PACS2: variants seen among roughly 807,000 people sequenced by gnomAD.
PACS2 encodes the protein PACS1-like protein.
A neutral mutation model predicts 113.0 loss-of-function variants in PACS2; 36 were observed. That is an observed-to-expected ratio of 0.32 (90% CI 0.24 to 0.42). PACS2 has a LOEUF of 0.42. PACS2 is among the 10% of genes least tolerant of loss of function. The pLI is 1.00. For synonymous variants in PACS2, 589 were observed against 536.1 expected, an observed-to-expected ratio of 1.10 and a Z score of -1.36; for missense variants, 1,015 against 1,239.5, an observed-to-expected ratio of 0.82 and a Z score of 2.72.
chr14:105,369,990 C>T (rs1555408985), intron 8 of PACS2, 90 bp downstream of exon 8: 7 of 1,134,946 alleles, frequency 6.2e-6, no homozygotes, highest in African/African-American at 1.5e-5. Context: ...TCCGGGCCAC[C>T]TCTGGTTCTG....
Position 105,324,957 on chromosome 14 carries a change from GGGGGTGCACAC to G in PACS2, c.119+9924_119+9934del, listed in dbSNP as rs1476527035. On this transcript the variant is annotated intron_variant, in intron 1 of 24. Coordinates refer to ENST00000447393, the MANE Select transcript of PACS2 (RefSeq NM_001100913.3). This position sits in a 1 kb window ranked among gnomAD's most constrained non-coding sequence, Gnocchi z 4.7. ...AAGGGGTGGGTCTGCCCTTCCTGCT[GGGGGTGCACAC>G]GGGCCTGGGGCTGAGCAACCCGCTC... is the stretch of plus-strand genomic sequence containing the variant. 6.6e-6 allele frequency among the ~76,000 whole-genome samples: 1 copy of G among 152,008 alleles called. No homozygotes were observed. Among genetic ancestry groups the G allele is most frequent in the Non-Finnish European group, 1.5e-5 (1 of 67,976 alleles).
In PACS2 at chr14:105,370,100, G is replaced by C. The variant is rs1452563562; in HGVS notation, c.801+200G>C. On this transcript the variant is annotated intron_variant, in intron 8 of 24. Transcript: ENST00000447393. Reference sequence around the variant, plus strand: ...GCTCCAGGTCACCCGCTGGGTCTCTGCTGAAGTAGAAGTCGTGAATACCCT... The same window carrying C: ...GCTCCAGGTCACCCGCTGGGTCTCTCCTGAAGTAGAAGTCGTGAATACCCT... 3.6e-5 allele frequency: 20 copies of C among 558,402 alleles called. No individual in the cohort carries two copies. In the East Asian group the frequency reaches 5.2e-4, roughly 14 times the overall value. 34.6% of individuals were successfully genotyped at this position (558,402 alleles called of 1,614,324 possible). A position where few individuals can be genotyped will look rare whatever the true frequency, so the allele number is the denominator to read the frequency against.
Position 105,348,803 on chromosome 14 carries a change from A to C in PACS2, c.207+223A>C. The C allele has an allele frequency of 3.8e-6, 2 of 522,108 alleles. No individual in the cohort carries two copies. Among genetic ancestry groups the C allele is most frequent in the Non-Finnish European group, 6.9e-6 (2 of 288,882 alleles). 32.3% of individuals were successfully genotyped at this position (522,108 alleles called of 1,614,324 possible). On this transcript the variant is annotated intron_variant, in intron 2 of 24. Coordinates refer to ENST00000447393, the MANE Select transcript of PACS2 (RefSeq NM_001100913.3). The surrounding 1 kb of genome is among the most constrained non-coding windows in gnomAD (Gnocchi z 6.4). ...CCCGGCCTTCTGGGATGTGGAGGTCACATGCATGGGGCCTTCCCAGGGCAG... is the reference window on the plus strand; with the variant it reads ...CCCGGCCTTCTGGGATGTGGAGGTCCCATGCATGGGGCCTTCCCAGGGCAG...
At chr14:105,377,148 A>G (rs1342781581) in intron 9 of PACS2, among the ~76,000 whole-genome samples, 1 of 152,084 alleles carries the variant, frequency 6.6e-6, no homozygotes, top group Non-Finnish European at 1.5e-5. Context: ...TTCATAGGCC[A>G]GGGGGTGCAA....
chr14:105,348,638 TG>T lies in PACS2; in HGVS notation c.207+61del. 1 of 1,274,206 alleles carries T rather than the reference TG, an allele frequency of 7.8e-7. No individual in the cohort carries two copies. Among genetic ancestry groups the T allele is most frequent in the Non-Finnish European group, 1.1e-6 (1 of 877,028 alleles). 78.9% of individuals were successfully genotyped at this position (1,274,206 alleles called of 1,614,324 possible). On this transcript the variant is annotated intron_variant, in intron 2 of 24. Transcript: ENST00000447393. The surrounding 1 kb of genome is among the most constrained non-coding windows in gnomAD (Gnocchi z 6.4). Reference sequence around the variant, plus strand: ...GTGCTGTGTAGGCTTTCCATGTGCCTGGGAGACGAGTCAGGCGGTGCGCTAC... The same window carrying T: ...GTGCTGTGTAGGCTTTCCATGTGCCTGGAGACGAGTCAGGCGGTGCGCTAC...
At chr14:105,320,004 A>C (rs1023666092) in intron 1 of PACS2, among the ~76,000 whole-genome samples, 5 of 152,186 alleles carry the variant, frequency 3.3e-5, no homozygotes, top group Non-Finnish European at 7.3e-5. Flanking sequence ...TTTGAGACAG[A>C]GTCTCGCTCT....
chr14:105,358,431 G>A lies in PACS2; in HGVS notation c.423+3254G>A, dbSNP rs1329660184. Among the ~76,000 whole-genome samples the A allele has an allele frequency of 1.3e-5, 2 of 152,202 alleles. No homozygotes were observed. Among genetic ancestry groups the A allele is most frequent in the Non-Finnish European group, 2.9e-5 (2 of 68,026 alleles). ...CAGAGGCAGGTGTGCGGTGGGGGCAGACGTGGGGCCTTCTCCTGTGGTGTG... is the reference window on the plus strand; with the variant it reads ...CAGAGGCAGGTGTGCGGTGGGGGCAAACGTGGGGCCTTCTCCTGTGGTGTG... On this transcript the variant is annotated intron_variant, in intron 4 of 24. Transcript: ENST00000447393. The surrounding 1 kb of genome is among the most constrained non-coding windows in gnomAD (Gnocchi z 4.9).
At position 105,330,361 on chromosome 14, in the gene PACS2, G is replaced by C. The variant is rs1477051319; in HGVS notation, c.119+15324G>C. Reference sequence around the variant, plus strand: ...GGAGCCTCCAAGAAGCCTGGGGTCCGTGTGTCCGTAGGAACGGGGGACAGG... The same window carrying C: ...GGAGCCTCCAAGAAGCCTGGGGTCCCTGTGTCCGTAGGAACGGGGGACAGG... On this transcript the variant is annotated intron_variant, in intron 1 of 24. Coordinates refer to ENST00000447393, the MANE Select transcript of PACS2 (RefSeq NM_001100913.3). The surrounding 1 kb of genome is among the most constrained non-coding windows in gnomAD (Gnocchi z 6.9). Among the ~76,000 whole-genome samples, 1 of 152,124 alleles carries C rather than the reference G, an allele frequency of 6.6e-6. No homozygotes were observed. The highest frequency in any genetic ancestry group is 1.9e-4 in the East Asian group (1 of 5,164).
At chr14:105,320,633 C>T (rs988833394) in intron 1 of PACS2, among the ~76,000 whole-genome samples, 1 of 152,152 alleles carries the variant, frequency 6.6e-6, no homozygotes, top group Admixed American at 6.5e-5. Flanking sequence ...GTGAGCCTCC[C>T]TACCTGCCCA....
At chr14:105,382,767 G>T in intron 14 of PACS2, 40 bp from the exon 15 acceptor site, 1 of 1,328,102 alleles carries the variant, frequency 7.5e-7, no homozygotes. Flanking sequence ...GGTGGCCTGG[G>T]CGGCTGTGCC....
intron 7 of PACS2, 98 bp downstream of exon 7, chr14:105,368,637 A>G: frequency 5.6e-6 from 5 of 897,392 alleles, no homozygotes; most frequent in Non-Finnish European, 1.9e-6. Context: ...GGGAAGTGAG[A>G]TCTCACCCCA....
In PACS2 at chr14:105,355,414, G is replaced by C. The variant is rs1254312830; in HGVS notation, c.423+237G>C. On this transcript the variant is annotated intron_variant, in intron 4 of 24. Coordinates refer to ENST00000447393, the MANE Select transcript of PACS2 (RefSeq NM_001100913.3). The surrounding 1 kb of genome is among the most constrained non-coding windows in gnomAD (Gnocchi z 4.1). ...TGGCTCCCCGCATGCCTGCAGCCGC[G>C]CGCACTCCCCTCTAACGAGCCTGTC... Among the ~76,000 whole-genome samples, 4 of 152,228 alleles carry C rather than the reference G, an allele frequency of 2.6e-5. No individual in the cohort carries two copies. The East Asian group carries it at 7.7e-4, about 29-fold the overall frequency.
intron 22 of PACS2, 66 bp downstream of exon 22, chr14:105,391,832 C>G: frequency 6.8e-7 from 1 of 1,464,452 alleles, no homozygotes; most frequent in Non-Finnish European, 9.2e-7. Context: ...CTGATTCAGT[C>G]ATCCTCCCCT....
At chr14:105,380,765 C>T (rs782085667) in intron 11 of PACS2, among the ~76,000 whole-genome samples, 192 bp from the exon 12 acceptor site, 21 of 152,330 alleles carry the variant, frequency 1.4e-4, no homozygotes, top group Non-Finnish European at 2.5e-4. Context: ...CCCTGCATGG[C>T]CCGGATGGGA....
intron 1 of PACS2, among the ~76,000 whole-genome samples, chr14:105,306,716 C>T (rs1326409264): frequency 1.3e-5 from 2 of 152,196 alleles, no homozygotes; most frequent in Non-Finnish European, 2.9e-5. Context: ...AGCAATTCTC[C>T]TGCCTCAGCC....
Position 105,358,842 on chromosome 14 carries a change from G to A in PACS2, c.423+3665G>A, listed in dbSNP as rs913982052. Among the ~76,000 whole-genome samples, 1 of 152,166 alleles carries A rather than the reference G, an allele frequency of 6.6e-6. No individual in the cohort carries two copies. Among genetic ancestry groups the A allele is most frequent in the Non-Finnish European group, 1.5e-5 (1 of 68,018 alleles). ...ACAGCGCGGGAGCGTCACCCTGACC[G>A]TTTGCATGCTGGATTCCCTTTAGTT... On this transcript the variant is annotated intron_variant, in intron 4 of 24. Coordinates refer to ENST00000447393, the MANE Select transcript of PACS2 (RefSeq NM_001100913.3). The surrounding 1 kb of genome is among the most constrained non-coding windows in gnomAD (Gnocchi z 4.9).
chr14:105,382,199 TAC>T, intron 13 of PACS2, 141 bp downstream of exon 13: 1 of 1,012,428 alleles, frequency 9.9e-7, no homozygotes, highest in East Asian at 2.6e-5. Context: ...GGGCTCCTGC[TAC>T]ACAGCAGGGC....
chr14:105,382,989 T>G, intron 15 of PACS2, 76 bp downstream of exon 15: 1 of 877,336 alleles, frequency 1.1e-6, no homozygotes, highest in Non-Finnish European at 1.9e-6. Flanking sequence ...TGCCCATTGC[T>G]CCGGGGCTAG....
intron 8 of PACS2, 47 bp downstream of exon 8, chr14:105,369,947 C>T: frequency 6.5e-7 from 1 of 1,532,212 alleles, no homozygotes; most frequent in Non-Finnish European, 8.8e-7. Context: ...CCTGCAACAG[C>T]ACCTGGTCGG....
Sources: allele counts gnomAD v4.1 joint callset (sites outside exome capture counted in the v4.1 genomes callset), GRCh38; gene constraint gnomAD v4.1.1; non-coding constraint Gnocchi (gnomAD v3.1); transcripts MANE v1.5; gene names NCBI Gene and HGNC (gene_info 2026-07-23, HGNC 2026-07-21).